PPM1E: variants seen among roughly 807,000 people sequenced by gnomAD.
PPM1E encodes protein phosphatase 1E.
In PPM1E, 20 loss-of-function variants were observed where a neutral mutation model predicts 65.9. The observed-to-expected ratio is 0.30, with a 90% CI of 0.21 to 0.44. The LOEUF is 0.44. Ranked by LOEUF, PPM1E falls within the 20% of genes least tolerant of loss-of-function variation. The pLI is 1.00. For missense variants in PPM1E, 713 were observed against 953.1 expected, an observed-to-expected ratio of 0.75 and a Z score of 3.32; for synonymous variants, 352 against 374.9, an observed-to-expected ratio of 0.94 and a Z score of 0.70.
In PPM1E at chr17:58,984,855, G is replaced by A. The variant is rs1428821828; in HGVS notation, c.*3824G>A. The A allele has an allele frequency of 2.0e-5, 3 of 152,414 alleles. No individual in the cohort carries two copies. Among genetic ancestry groups the A allele is most frequent in the Non-Finnish European group, 4.4e-5 (3 of 68,022 alleles). The allele number at this position is 152,414 out of a possible 1,614,324, so 9.4% of individuals were successfully genotyped here. A position where few individuals can be genotyped will look rare whatever the true frequency, so the allele number is the denominator to read the frequency against. ...CCAGACTGACACAGCAGTTGTTTTT[G>A]AAAAGGAAATAAACTTTGATGAATT... On this transcript the variant is annotated 3_prime_UTR_variant, in exon 7 of 7. Coordinates refer to ENST00000308249, the MANE Select transcript of PPM1E (RefSeq NM_014906.5).
At chr17:58,836,875 C>T (rs1477486877) in intron 1 of PPM1E, among the ~76,000 whole-genome samples, 4 of 149,792 alleles carry the variant, frequency 2.7e-5, no homozygotes, top group Non-Finnish European at 3.0e-5. Flanking sequence ...CAAAAATTAG[C>T]CGGGCATGGT....
At chr17:58,946,351 C>A (rs549279441) in intron 1 of PPM1E, among the ~76,000 whole-genome samples, 1 of 152,216 alleles carries the variant, frequency 6.6e-6, no homozygotes, top group East Asian at 1.9e-4. Flanking sequence ...GCTTATTGCC[C>A]ATTTGTATAT....
chr17:58,891,318 T>TTTA (rs925755945), intron 1 of PPM1E, among the ~76,000 whole-genome samples: 52 of 151,576 alleles, frequency 3.4e-4, no homozygotes, highest in African/African-American at 1.1e-3. Flanking sequence ...TGCAAATGGA[T>TTTA]TTATTATTAT....
At chr17:58,970,268 C>T (rs1256202114) in intron 4 of PPM1E, among the ~76,000 whole-genome samples, 1 of 152,122 alleles carries the variant, frequency 6.6e-6, no homozygotes, top group Non-Finnish European at 1.5e-5. Flanking sequence ...AGCTCATGTC[C>T]TACATTGCGA....
chr17:58,834,810 C>A (rs2143190548), intron 1 of PPM1E, among the ~76,000 whole-genome samples: 1 of 152,192 alleles, frequency 6.6e-6, no homozygotes, highest in Non-Finnish European at 1.5e-5. Context: ...CTTTAAAAAG[C>A]TAATGTGATT....
At chr17:58,921,664 CAAA>C (rs1219765618) in intron 1 of PPM1E, among the ~76,000 whole-genome samples, 3 of 84,178 alleles carry the variant, frequency 3.6e-5, no homozygotes, top group African/African-American at 8.3e-5. Flanking sequence ...GACTCTATCT[CAAA>C]AAAAAAAAAA....
intron 1 of PPM1E, among the ~76,000 whole-genome samples, chr17:58,791,496 G>A (rs1409668110): frequency 6.6e-6 from 1 of 152,128 alleles, no homozygotes; most frequent in Non-Finnish European, 1.5e-5. Flanking sequence ...AAGTAATAAC[G>A]AAGACCTTTT....
chr17:58,784,450 T>C (rs2050078494), intron 1 of PPM1E, among the ~76,000 whole-genome samples: 1 of 152,146 alleles, frequency 6.6e-6, no homozygotes, highest in African/African-American at 2.4e-5. Flanking sequence ...GCCATTTGTA[T>C]ATCTTCTTTG....
chr17:58,966,909 A>G (rs1286864398), intron 3 of PPM1E, among the ~76,000 whole-genome samples: 1 of 152,214 alleles, frequency 6.6e-6, no homozygotes, highest in Admixed American at 6.5e-5. Flanking sequence ...TGTTTATGTT[A>G]TAAAGATAGA....
chr17:58,785,968 G>A (rs2050096307), intron 1 of PPM1E, among the ~76,000 whole-genome samples: 1 of 141,290 alleles, frequency 7.1e-6, no homozygotes, highest in Admixed American at 7.0e-5. Context: ...AGCAACCTCA[G>A]CATATGATTT....
chr17:58,982,546 G>A lies in PPM1E; in HGVS notation c.*1515G>A. 4.4e-6 allele frequency: 1 copy of A among 227,770 alleles called. No homozygotes were observed. The allele number at this position is 227,770 out of a possible 1,614,324, so 14.1% of individuals were successfully genotyped here. On this transcript the variant is annotated 3_prime_UTR_variant, in exon 7 of 7. Coordinates refer to ENST00000308249, the MANE Select transcript of PPM1E (RefSeq NM_014906.5). ...GTACACGTTCCCCAGGCCCATAACA[G>A]AGGACTAAAATCTCTGAATTTTAAA...
At chr17:58,794,975 G>A (rs571453798) in intron 1 of PPM1E, among the ~76,000 whole-genome samples, 20 of 146,464 alleles carry the variant, frequency 1.4e-4, no homozygotes, top group African/African-American at 2.0e-4. Flanking sequence ...TGCAACTTCC[G>A]CCTCCCGAGT....
intron 1 of PPM1E, among the ~76,000 whole-genome samples, chr17:58,941,409 G>T (rs1475378387): frequency 2.0e-5 from 3 of 151,962 alleles, no homozygotes; most frequent in African/African-American, 7.3e-5. Flanking sequence ...AAAAATGCTG[G>T]TCATGCTGGG....
chr17:58,963,760 G>T (rs1055106330), intron 2 of PPM1E, among the ~76,000 whole-genome samples: 1 of 151,814 alleles, frequency 6.6e-6, no homozygotes, highest in African/African-American at 2.4e-5. Flanking sequence ...GTATTAGCAG[G>T]CACCTGTAAT....
chr17:58,845,976 C>T (rs2050767472), intron 1 of PPM1E, among the ~76,000 whole-genome samples: 1 of 152,178 alleles, frequency 6.6e-6, no homozygotes, highest in African/African-American at 2.4e-5. Context: ...CCACCGTGCC[C>T]AGCCAAAATT....
chr17:58,840,872 A>C (rs2050711293), intron 1 of PPM1E, among the ~76,000 whole-genome samples: 1 of 152,238 alleles, frequency 6.6e-6, no homozygotes, highest in Non-Finnish European at 1.5e-5. Flanking sequence ...TGTAATAATA[A>C]GTAAGTGTAT....
At chr17:58,925,053 T>A (rs2051807271) in intron 1 of PPM1E, among the ~76,000 whole-genome samples, 1 of 152,182 alleles carries the variant, frequency 6.6e-6, no homozygotes, top group African/African-American at 2.4e-5. Flanking sequence ...TGCATGTGTC[T>A]TTATAATAGA....
chr17:58,813,035 T>G (rs1235047776), intron 1 of PPM1E, among the ~76,000 whole-genome samples: 2 of 152,202 alleles, frequency 1.3e-5, no homozygotes, highest in Non-Finnish European at 1.5e-5. Context: ...TCATAATAAT[T>G]TGTGATGTGG....
chr17:58,800,492 A>G (rs1474086871), intron 1 of PPM1E, among the ~76,000 whole-genome samples: 10 of 151,990 alleles, frequency 6.6e-5, no homozygotes, highest in Non-Finnish European at 1.3e-4. Flanking sequence ...CTGAGGTTGT[A>G]TAAGATGTTA....
Sources: allele counts gnomAD v4.1 joint callset (sites outside exome capture counted in the v4.1 genomes callset), GRCh38; gene constraint gnomAD v4.1.1; transcripts MANE v1.5; gene names NCBI Gene and HGNC (gene_info 2026-07-23, HGNC 2026-07-21).